The following ALK variants were observed in gnomAD, a reference collection of about 807,000 sequenced individuals.
ALK encodes the protein ALK tyrosine kinase receptor.
ALK carries 74 observed loss-of-function variants against 163.1 expected under a neutral mutation model. The observed-to-expected ratio is 0.45, with a 90% CI of 0.38 to 0.55. The LOEUF (loss-of-function observed/expected upper bound fraction) is 0.55. Ranked by LOEUF, ALK falls within the 20% of genes least tolerant of loss-of-function variation. ALK has a pLI of 0.00. For missense variants in ALK, 2,063 were observed against 2,105.3 expected, an observed-to-expected ratio of 0.98 and a Z score of 0.39; for synonymous variants, 960 against 843.2, an observed-to-expected ratio of 1.14 and a Z score of -2.40.
At chr2:29,765,436 G>A (rs1052989113) in intron 1 of ALK, among the ~76,000 whole-genome samples, 2 of 152,030 alleles carry the variant, frequency 1.3e-5, no homozygotes. Flanking sequence ...CCCTCATCAT[G>A]ATGCTGCTAT....
At chr2:29,319,474 C>G (rs73920776) in intron 7 of ALK, among the ~76,000 whole-genome samples, 1 of 152,080 alleles carries the variant, frequency 6.6e-6, no homozygotes, top group African/African-American at 2.4e-5. Flanking sequence ...TGCAGGCAGG[C>G]GGGTCACAAT....
chr2:29,613,216 A>G (rs1675744059), intron 3 of ALK, among the ~76,000 whole-genome samples: 1 of 152,176 alleles, frequency 6.6e-6, no homozygotes, highest in Non-Finnish European at 1.5e-5. Flanking sequence ...TATTTTTCGA[A>G]TGCCTGAGCC....
At chr2:29,549,970 C>G (rs539584552) in intron 3 of ALK, among the ~76,000 whole-genome samples, 1 of 152,022 alleles carries the variant, frequency 6.6e-6, no homozygotes, top group Non-Finnish European at 1.5e-5. Flanking sequence ...GCCCTAAGCC[C>G]CTGGATAAAA....
chr2:29,792,369 G>C (rs962487351), intron 1 of ALK, among the ~76,000 whole-genome samples: 4 of 152,092 alleles, frequency 2.6e-5, no homozygotes, highest in African/African-American at 9.7e-5. Context: ...CAGTTTCAGG[G>C]GGAGGGTAGC....
intron 7 of ALK, 97 bp downstream of exon 7, chr2:29,320,654 T>A (rs556869472): frequency 3.9e-5 from 61 of 1,559,392 alleles, no homozygotes; most frequent in Non-Finnish European, 5.3e-5. Flanking sequence ...CACCCGAGCT[T>A]GCCCTGCAGG....
chr2:29,860,527 A>G (rs1197292288), intron 1 of ALK, among the ~76,000 whole-genome samples: 2 of 152,250 alleles, frequency 1.3e-5, no homozygotes, highest in African/African-American at 4.8e-5. Flanking sequence ...TTTAGACCAA[A>G]TGGATCTAAC....
At chr2:29,725,292 C>T (rs1435413704) in intron 1 of ALK, among the ~76,000 whole-genome samples, 1 of 151,792 alleles carries the variant, frequency 6.6e-6, no homozygotes, top group African/African-American at 2.4e-5. Flanking sequence ...CTTTCACATT[C>T]TATCCCATTA....
intron 4 of ALK, among the ~76,000 whole-genome samples, chr2:29,428,780 T>C (rs1436979510): frequency 3.3e-5 from 5 of 152,034 alleles, no homozygotes; most frequent in Admixed American, 6.5e-5. Flanking sequence ...ATTATTTTGA[T>C]ACCAGAACCA....
At position 29,225,572 on chromosome 2, in the gene ALK, G is replaced by A. The variant is rs2148176617; in HGVS notation, c.3068-7C>T. ...GGCTCCGGGGTGGGTGACACTGGAA[G>A]ACAGGTCCCACTGGGGTATTGACAA... On this transcript the variant is annotated splice_region_variant and splice_polypyrimidine_tract_variant and intron_variant, in intron 18 of 28. Coordinates refer to ENST00000389048, the MANE Select transcript of ALK (RefSeq NM_004304.5). 6.2e-7 allele frequency: 1 copy of A among 1,606,872 alleles called. No homozygotes were observed. The highest frequency in any genetic ancestry group is 8.5e-7 in the Non-Finnish European group (1 of 1,177,482).
At chr2:29,897,604 T>C (rs2148428772) in intron 1 of ALK, among the ~76,000 whole-genome samples, 1 of 152,286 alleles carries the variant, frequency 6.6e-6, no homozygotes, top group Non-Finnish European at 1.5e-5. Flanking sequence ...AGTGTGGCAC[T>C]GTGAGACAGG....
intron 4 of ALK, among the ~76,000 whole-genome samples, chr2:29,492,957 G>A (rs1397108037): frequency 6.6e-6 from 1 of 152,160 alleles, no homozygotes; most frequent in Non-Finnish European, 1.5e-5. Flanking sequence ...TCAGAATCAA[G>A]CAGACAAACC....
At chr2:29,814,423 G>A (rs1664840410) in intron 1 of ALK, among the ~76,000 whole-genome samples, 1 of 151,856 alleles carries the variant, frequency 6.6e-6, no homozygotes, top group African/African-American at 2.4e-5. Context: ...CACTTTGGGA[G>A]GCCGAGGCGG....
At chr2:29,221,088 TCAGG>T (rs1669790514) in intron 22 of ALK, 3 of 622,074 alleles carry the variant, frequency 4.8e-6, no homozygotes, top group Non-Finnish European at 9.2e-6. Flanking sequence ...AGGATGTTGC[TCAGG>T]CACTTGGGTG....
At chr2:29,826,448 TA>T (rs397959887) in intron 1 of ALK, among the ~76,000 whole-genome samples, 3,089 of 139,718 alleles carry the variant, frequency 0.022, 39 homozygotes, top group African/African-American at 0.048. Context: ...CCAGTTGATT[TA>T]AAAAAAAAAA....
intron 3 of ALK, among the ~76,000 whole-genome samples, chr2:29,643,667 T>C (rs2339540): frequency 0.62 from 94,176 of 151,954 alleles, 30,119 homozygotes; most frequent in East Asian, 0.73. Context: ...AGACCCTCTT[T>C]CCTGAGCTGG....
At chr2:29,843,649 G>A (rs893755085) in intron 1 of ALK, among the ~76,000 whole-genome samples, 3 of 152,222 alleles carry the variant, frequency 2.0e-5, no homozygotes, top group Middle Eastern at 3.4e-3. Context: ...GCTTTGCAAA[G>A]ACCAAAGTGG....
At chr2:29,597,824 C>T (rs986544149) in intron 3 of ALK, among the ~76,000 whole-genome samples, 5 of 152,204 alleles carry the variant, frequency 3.3e-5, no homozygotes, top group African/African-American at 1.2e-4. Context: ...AGGGAGATAG[C>T]GGGGCAGGTG....
At chr2:29,657,834 A>G (rs1157085782) in intron 3 of ALK, among the ~76,000 whole-genome samples, 1 of 152,210 alleles carries the variant, frequency 6.6e-6, no homozygotes, top group African/African-American at 2.4e-5. Flanking sequence ...GGAAGCATTC[A>G]GCCCCTTAAT....
intron 3 of ALK, among the ~76,000 whole-genome samples, chr2:29,691,978 G>A (rs550823337): frequency 1.2e-4 from 18 of 152,086 alleles, no homozygotes; most frequent in Admixed American, 7.2e-4. Context: ...AACCTGTAAC[G>A]ACCAAAAAAA....
Sources: allele counts gnomAD v4.1 joint callset (sites outside exome capture counted in the v4.1 genomes callset), GRCh38; gene constraint gnomAD v4.1.1; transcripts MANE v1.5; gene names NCBI Gene and HGNC (gene_info 2026-07-23, HGNC 2026-07-21).